Variants in CACNA1H observed in about 807,000 individuals in gnomAD.
The protein encoded by CACNA1H is voltage-dependent T-type calcium channel subunit alpha-1H.
A neutral mutation model predicts 192.5 loss-of-function variants in CACNA1H; 149 were observed. That is an observed-to-expected ratio of 0.77 (90% confidence interval 0.68 to 0.89). The LOEUF is 0.89. Ranked by LOEUF, CACNA1H falls within the 40% of genes least tolerant of loss-of-function variation. The probability of loss-of-function intolerance (pLI) is 0.00; values close to 1 mark genes in which losing one functional copy is unlikely to be tolerated. For missense variants in CACNA1H, 4,257 were observed against 3,423.5 expected (o/e 1.24, Z -6.08); for synonymous variants, 2,202 against 1,475.2 (o/e 1.49, Z -11.29).
intron 12 of CACNA1H, chr16:1,206,669 G>A (rs1426013045): frequency 2.4e-6 from 1 of 423,898 alleles, no homozygotes; most frequent in Non-Finnish European, 4.3e-6. Context: ...AGGCAGCCAG[G>A]CAGGCCGGGC....
chr16:1,173,449 C>T (rs1427029650), intron 2 of CACNA1H, among the ~76,000 whole-genome samples: 1 of 152,248 alleles, frequency 6.6e-6, no homozygotes, highest in East Asian at 1.9e-4. Flanking sequence ...GCCTCTGCTC[C>T]TGGGTTCTCT....
At position 1,202,379 on chromosome 16, in the gene CACNA1H, C is replaced by CG. The variant is rs1555512250; in HGVS notation, c.1935dup (p.His646AlafsTer10). On this transcript the variant is annotated frameshift_variant, in exon 9 of 35. Transcript: ENST00000348261. LOFTEE classifies it high-confidence loss of function. ...AGTGGGCCGGTGGACCGCCAGGCAC[C>CG]GGGGGGCACGGCCCGTTGAGCTTGA... The CG allele has an allele frequency of 1.3e-6, 2 of 1,551,574 alleles. No homozygotes were observed. Among genetic ancestry groups the CG allele is most frequent in the Non-Finnish European group, 8.7e-7 (1 of 1,149,498 alleles).
intron 1 of CACNA1H, 51 bp from the exon 2 acceptor site, chr16:1,153,669 G>C (rs1961880807): frequency 9.0e-7 from 1 of 1,107,074 alleles, no homozygotes; most frequent in Non-Finnish European, 1.1e-6. Context: ...GCCGCGGGAG[G>C]CAGGGCGGGG....
Position 1,220,941 on chromosome 16 carries a change from G to A in CACNA1H, c.7009G>A (p.Gly2337Arg), listed in dbSNP as rs1970438704. The change falls in exon 35 of 35, where the codon GGG becomes AGG. Residue 2337 changes from glycine (G) to arginine (R), a missense_variant. By Grantham distance (125) the Gly-to-Arg change is moderately radical. Transcript: ENST00000348261. ...CCCCCAGTGTCCTCTGGAGAAACCA[G>A]GGTCCCCCTCAGCCACCCCTGCCCC... ...TVPQCPLEKPGSPSATPAPGG... is the reference protein window; with the variant it reads ...TVPQCPLEKPRSPSATPAPGG... 1 of 1,608,080 alleles carries A rather than the reference G, an allele frequency of 6.2e-7. No individual in the cohort carries two copies. Among genetic ancestry groups the A allele is most frequent in the Non-Finnish European group, 8.5e-7 (1 of 1,177,090 alleles).
rs764345325 is a variant in CACNA1H, at chr16:1,211,931, G to A, written c.4567-15G>A. On this transcript the variant is annotated splice_polypyrimidine_tract_variant and intron_variant, in intron 24 of 34. Transcript: ENST00000348261. ...CGGGGCAGGCGGGCGGGGACCCACC[G>A]CCTCTGTGCCACAGCCTGTGCAGAA... is the stretch of plus-strand genomic sequence containing the variant. 4.6e-5 allele frequency: 74 copies of A among 1,612,506 alleles called. No homozygotes were observed. Among genetic ancestry groups the A allele is most frequent in the African/African-American group, 1.7e-4 (13 of 75,052 alleles).
chr16:1,207,277 C>G lies in CACNA1H; in HGVS notation c.2910C>G (p.Ile970Met), dbSNP rs1360592386. 1 of 1,605,966 alleles carries G rather than the reference C, an allele frequency of 6.2e-7. No homozygotes were observed. Among genetic ancestry groups the G allele is most frequent in the Non-Finnish European group, 8.5e-7 (1 of 1,175,798 alleles). The change falls in exon 14 of 35, where the codon ATC becomes ATG. Residue 970 changes from isoleucine to methionine, a missense_variant and splice_region_variant. Coordinates refer to ENST00000348261, the MANE Select transcript of CACNA1H (RefSeq NM_021098.3). ...CCAGGCCCCCTGCTATCCCCCAGAT[C>G]CTGACCCAGGAGGACTGGAACGTGG... ...LLWAIVTVFQ[I>M]LTQEDWNVVL...
rs1356405525 is a variant in CACNA1H at position 1,167,823 on chromosome 16, C to A, written c.299+13787C>A. On this transcript the variant is annotated intron_variant, in intron 2 of 34. Transcript: ENST00000348261. This position sits in a 1 kb window ranked among gnomAD's most constrained non-coding sequence, Gnocchi z 4.2. Reference sequence around the variant, plus strand: ...CGCTGGTGTGTGCTTAGAAAGTGCACCTGCGAGGTTGGGGCGTGGCCTGGC... The same window carrying A: ...CGCTGGTGTGTGCTTAGAAAGTGCAACTGCGAGGTTGGGGCGTGGCCTGGC... Among the ~76,000 whole-genome samples, 2 of 152,162 alleles carry A rather than the reference C, an allele frequency of 1.3e-5. No homozygotes were observed. Among genetic ancestry groups the A allele is most frequent in the Admixed American group, 6.5e-5 (1 of 15,280 alleles).
At chr16:1,157,696 C>T (rs1243439431) in intron 2 of CACNA1H, 4 of 152,344 alleles carry the variant, frequency 2.6e-5, no homozygotes, top group African/African-American at 2.4e-5. Flanking sequence ...AGCGTCCGGA[C>T]ATCCGAACTG....
Position 1,201,919 on chromosome 16 carries a change from T to G in CACNA1H, c.1469T>G (p.Val490Gly). Residue 490 changes from valine (V) to glycine (G), a missense_variant, in exon 9 of 35, where the codon GTG (valine) becomes GGG (glycine). Physicochemically the swap from Val to Gly is moderately radical, Grantham distance 109. Transcript: ENST00000348261. ...ARWQSRWRKKVDPSAVQGQGP... is the reference protein window; with the variant it reads ...ARWQSRWRKKGDPSAVQGQGP... Reference sequence around the variant, plus strand: ...TGGCAGAGCCGCTGGCGCAAGAAGGTGGACCCCAGTGCTGTGCAAGGCCAG... The same window carrying G: ...TGGCAGAGCCGCTGGCGCAAGAAGGGGGACCCCAGTGCTGTGCAAGGCCAG... 1.3e-6 allele frequency: 2 copies of G among 1,549,996 alleles called. No homozygotes were observed. The highest frequency in any genetic ancestry group is 1.7e-6 in the Non-Finnish European group (2 of 1,146,894).
At position 1,220,089 on chromosome 16, in the gene CACNA1H, G is replaced by C. The variant is rs754154177; in HGVS notation, c.6157G>C (p.Gly2053Arg). Residue 2053 changes from glycine (G) to arginine (R), a missense_variant, in exon 35 of 35, where the codon GGC becomes CGC. Physicochemically the swap from Gly to Arg is moderately radical, Grantham distance 125. Transcript: ENST00000348261. Reference protein sequence around the residue: ...KTPVRPVTQGGSLQSPPRSPR... With the variant: ...KTPVRPVTQGRSLQSPPRSPR... Reference sequence around the variant, plus strand: ...CCCGGTGAGGCCGGTGACCCAGGGGGGCTCCCTGCAGTCCCCACCACGCTC... The same window carrying C: ...CCCGGTGAGGCCGGTGACCCAGGGGCGCTCCCTGCAGTCCCCACCACGCTC... The C allele has an allele frequency of 1.8e-5, 26 of 1,462,552 alleles. No homozygotes were observed. The highest frequency in any genetic ancestry group is 2.3e-5 in the Non-Finnish European group (26 of 1,109,076). 90.6% of individuals were successfully genotyped at this position (1,462,552 alleles called of 1,614,324 possible).
At chr16:1,199,276 A>G (rs1250944463) in intron 6 of CACNA1H, among the ~76,000 whole-genome samples, 1 of 33,660 alleles carries the variant, frequency 3.0e-5, no homozygotes, top group Non-Finnish European at 4.9e-5. Context: ...CCCACCCCCC[A>G]CCATGGCTCC....
intron 27 of CACNA1H, among the ~76,000 whole-genome samples, chr16:1,214,222 T>C (rs775787310): frequency 3.3e-5 from 5 of 151,632 alleles, no homozygotes; most frequent in Non-Finnish European, 4.4e-5. Context: ...ATCCGACCCA[T>C]GGGGAGGGGC....
At chr16:1,155,397 C>T (rs942617062) in intron 2 of CACNA1H, among the ~76,000 whole-genome samples, 2 of 152,178 alleles carry the variant, frequency 1.3e-5, no homozygotes, top group Non-Finnish European at 2.9e-5. Flanking sequence ...TGTCTCCTCT[C>T]TAGAACCAAG....
At chr16:1,162,773 G>A (rs1963352520) in intron 2 of CACNA1H, among the ~76,000 whole-genome samples, 1 of 152,202 alleles carries the variant, frequency 6.6e-6, no homozygotes, top group Admixed American at 6.5e-5. Context: ...TGGGAGGACA[G>A]TGTCCAAGCT....
At chr16:1,194,738 G>T (rs1219970898) in intron 2 of CACNA1H, among the ~76,000 whole-genome samples, 2 of 151,958 alleles carry the variant, frequency 1.3e-5, no homozygotes, top group Non-Finnish European at 2.9e-5. Flanking sequence ...AGGGCCAGGG[G>T]GCCGGGCCTG....
chr16:1,205,536 G>A (rs563010588), intron 11 of CACNA1H, among the ~76,000 whole-genome samples: 24 of 152,342 alleles, frequency 1.6e-4, no homozygotes, highest in Admixed American at 7.2e-4. Flanking sequence ...AGAAACTAGC[G>A]GAGCTGTTTC....
intron 2 of CACNA1H, among the ~76,000 whole-genome samples, chr16:1,169,446 A>G (rs1187322549): frequency 6.6e-6 from 1 of 152,126 alleles, no homozygotes; most frequent in African/African-American, 2.4e-5. Context: ...GGTCCTCGCC[A>G]GCATGCCCGC....
At chr16:1,213,122 C>T (rs754689649) in intron 26 of CACNA1H, among the ~76,000 whole-genome samples, 19 of 152,232 alleles carry the variant, frequency 1.2e-4, no homozygotes, top group Admixed American at 2.6e-4. Context: ...TGGCGGGCGC[C>T]GACTTCAGAT....
Position 1,202,549 on chromosome 16 carries a change from C to T in CACNA1H, c.2002+97C>T, listed in dbSNP as rs1467700075. The T allele has an allele frequency of 3.7e-6, 4 of 1,069,036 alleles. No homozygotes were observed. The East Asian group carries it at 1.1e-4, about 28-fold the overall frequency. 66.2% of individuals were successfully genotyped at this position (1,069,036 alleles called of 1,614,324 possible). A position where few individuals can be genotyped will look rare whatever the true frequency, so the allele number is the denominator to read the frequency against. On this transcript the variant is annotated intron_variant, in intron 9 of 34. Coordinates refer to ENST00000348261, the MANE Select transcript of CACNA1H (RefSeq NM_021098.3). ...CATTCCCACACCCATTGTGGGCACT[C>T]TGATGAGCCCAGCTTTGACTTGTGA...
Sources: gnomAD v4.1 joint callset for allele counts (sites outside exome capture counted in the v4.1 genomes callset) on GRCh38, gnomAD v4.1.1 for gene constraint, Gnocchi (gnomAD v3.1) non-coding constraint, MANE v1.5 for transcripts, NCBI Gene and HGNC (gene_info 2026-07-23, HGNC 2026-07-21) for gene names.